Variants in ESCO1 observed in about 807,000 individuals in gnomAD.
The protein encoded by ESCO1 is establishment of sister chromatid cohesion N-acetyltransferase 1, also known as N-acetyltransferase ESCO1.
ESCO1 carries 33 observed loss-of-function variants against 83.5 expected under a neutral mutation model. The ratio of observed to expected loss-of-function variants is 0.40; its 90% CI spans 0.30 to 0.53. ESCO1 has a LOEUF of 0.53. ESCO1 is among the 20% of genes least tolerant of loss of function. ESCO1 has a pLI of 0.63. For missense variants in ESCO1, 855 were observed against 968.0 expected, an observed-to-expected ratio of 0.88 and a Z score of 1.55; for synonymous variants, 332 against 324.3, an observed-to-expected ratio of 1.02 and a Z score of -0.25.
At chr18:21,553,588 T>C (rs1195739347) in intron 8 of ESCO1, among the ~76,000 whole-genome samples, 1 of 151,838 alleles carries the variant, frequency 6.6e-6, no homozygotes, top group African/African-American at 2.4e-5. Flanking sequence ...CTGGACACAG[T>C]GGCTTATGCC....
At chr18:21,575,622 C>T (rs2038409212) in intron 3 of ESCO1, 50 bp downstream of exon 3, 2 of 398,132 alleles carry the variant, frequency 5.0e-6, no homozygotes, top group African/African-American at 2.1e-5. Flanking sequence ...ACTTGTCTTA[C>T]ATAAGCATAG....
intron 8 of ESCO1, among the ~76,000 whole-genome samples, chr18:21,553,541 TA>T (rs1323185550): frequency 6.6e-6 from 1 of 150,590 alleles, no homozygotes; most frequent in African/African-American, 2.4e-5. Context: ...AAAAAATACT[TA>T]CAAAAGAAGT....
In ESCO1 at chr18:21,574,500, T is replaced by C. The variant is rs761640592; in HGVS notation, c.344A>G (p.Asn115Ser). The change falls in exon 4 of 12, where the codon AAT becomes AGT. Residue 115 changes from asparagine (N) to serine (S), a missense_variant. Asn to Ser is a conservative substitution (Grantham distance 46). Transcript: ENST00000269214. Reference sequence around the variant, plus strand: ...TTGTGATCTCCGGTTAAGCTGTTCATTTGCTTTAGGGTTTTCATGTACTAA... The same window carrying C: ...TTGTGATCTCCGGTTAAGCTGTTCACTTGCTTTAGGGTTTTCATGTACTAA... ...KKLVHENPKA[N>S]EQLNRRSQRL... 6.2e-7 allele frequency: 1 copy of C among 1,614,116 alleles called. No individual in the cohort carries two copies. Among genetic ancestry groups the C allele is most frequent in the East Asian group, 2.2e-5 (1 of 44,864 alleles).
chr18:21,580,744 A>C (rs909683994), intron 2 of ESCO1, among the ~76,000 whole-genome samples: 1 of 152,066 alleles, frequency 6.6e-6, no homozygotes, highest in Non-Finnish European at 1.5e-5. Flanking sequence ...AATCCCAGCA[A>C]CTTGGGAGGC....
intron 1 of ESCO1, among the ~76,000 whole-genome samples, chr18:21,595,896 G>A (rs1358552892): frequency 6.7e-6 from 1 of 149,986 alleles, no homozygotes; most frequent in Non-Finnish European, 1.5e-5. Context: ...CCCAGGAGGC[G>A]GAGCTTGCAG....
chr18:21,598,911 A>G (rs1228866342), intron 1 of ESCO1, among the ~76,000 whole-genome samples: 1 of 152,118 alleles, frequency 6.6e-6, no homozygotes, highest in Non-Finnish European at 1.5e-5. Context: ...AAGTGGCTCT[A>G]TTACAGTCCT....
intron 9 of ESCO1, among the ~76,000 whole-genome samples, chr18:21,538,287 TAAAAAAAA>T (rs34369531): frequency 8.0e-6 from 1 of 124,744 alleles, no homozygotes; most frequent in Non-Finnish European, 1.7e-5. Context: ...CCCTGTCTCT[TAAAAAAAA>T]AAAAAAAAAA....
intron 2 of ESCO1, among the ~76,000 whole-genome samples, chr18:21,581,897 C>G (rs1421590207): frequency 1.4e-5 from 2 of 146,760 alleles, no homozygotes; most frequent in African/African-American, 5.1e-5. Context: ...CTGGGCAACA[C>G]AGTGAAATCT....
chr18:21,537,879 A>G (rs1313328058), intron 9 of ESCO1, among the ~76,000 whole-genome samples: 5 of 152,200 alleles, frequency 3.3e-5, no homozygotes, highest in Non-Finnish European at 7.3e-5. Flanking sequence ...TCGAACAACA[A>G]AAGTTTGAAC....
At chr18:21,541,059 G>C in intron 8 of ESCO1, among the ~76,000 whole-genome samples, 1 of 152,058 alleles carries the variant, frequency 6.6e-6, no homozygotes. Flanking sequence ...AAGGTAGAAA[G>C]ATCATAGTTG....
chr18:21,573,436 C>T lies in ESCO1; in HGVS notation c.1408G>A (p.Val470Ile). 1 of 1,612,284 alleles carries T rather than the reference C, an allele frequency of 6.2e-7. No individual in the cohort carries two copies. Among genetic ancestry groups the T allele is most frequent in the Non-Finnish European group, 8.5e-7 (1 of 1,179,438 alleles). The change falls in exon 4 of 12, where the codon GTA becomes ATA. Residue 470 changes from valine (V) to isoleucine (I), a missense_variant. Transcript: ENST00000269214. Reference protein sequence around the residue: ...SEEVKINDITVEINKTTERAP... With the variant: ...SEEVKINDITIEINKTTERAP... ...CTTTCTGTGGTTTTATTAATTTCTA[C>T]TGTAATATCATTAATTTTCACTTCT...
At chr18:21,556,921 G>A (rs897497108) in intron 8 of ESCO1, among the ~76,000 whole-genome samples, 2 of 152,146 alleles carry the variant, frequency 1.3e-5, no homozygotes, top group African/African-American at 4.8e-5. Context: ...GGTTAGTCTT[G>A]ATCTCCTGAT....
Position 21,554,933 on chromosome 18 carries a change from A to G in ESCO1, c.1953+5926T>C, listed in dbSNP as rs372787632. ...AAAAAATAAATAAATAAAATAAAAT[A>G]AAAAATAAAAAAATTAGCCAGGTGT... On this transcript the variant is annotated intron_variant, in intron 8 of 11. Coordinates refer to ENST00000269214, the MANE Select transcript of ESCO1 (RefSeq NM_052911.3). 1.1e-4 allele frequency among the ~76,000 whole-genome samples: 17 copies of G among 151,782 alleles called. No homozygotes were observed. In the East Asian group the frequency reaches 3.3e-3, roughly 29 times the overall value.
intron 5 of ESCO1, among the ~76,000 whole-genome samples, 183 bp from the exon 6 acceptor site, chr18:21,566,389 A>C (rs1028145966): frequency 2.0e-5 from 3 of 152,210 alleles, no homozygotes; most frequent in Non-Finnish European, 2.9e-5. Context: ...CAAAAGGCAG[A>C]AAGGCTGTCT....
chr18:21,556,024 G>A (rs2038108179), intron 8 of ESCO1, among the ~76,000 whole-genome samples: 1 of 152,070 alleles, frequency 6.6e-6, no homozygotes. Context: ...GGAACTCAAG[G>A]TAGGCAGATA....
chr18:21,560,945 C>T lies in ESCO1; in HGVS notation c.1867G>A (p.Gly623Arg). 1 of 1,603,546 alleles carries T rather than the reference C, an allele frequency of 6.2e-7. No individual in the cohort carries two copies. Among genetic ancestry groups the T allele is most frequent in the Admixed American group, 1.7e-5 (1 of 58,220 alleles). The stretch of plus-strand genomic sequence containing the variant: ...GGATTTGAAGCTGTATACAGCATTC[C>T]ACAAACATTACAAGAAACTGCTCCA... ...RFGAVSCNVC[G>R]MLYTASNPED... The change falls in exon 8 of 12, where the codon GGA becomes AGA. Residue 623 changes from glycine (G) to arginine (R), a missense_variant. By Grantham distance (125) the Gly-to-Arg change is moderately radical (BLOSUM62 -2). Coordinates refer to ENST00000269214, the MANE Select transcript of ESCO1 (RefSeq NM_052911.3).
Position 21,574,978 on chromosome 18 carries a change from A to C in ESCO1, c.-135T>G. ...TCAACTTTAACTGATGCTGATATACATTTTCAACAAAAATACTAGTTTGCT... is the reference window on the plus strand; with the variant it reads ...TCAACTTTAACTGATGCTGATATACCTTTTCAACAAAAATACTAGTTTGCT... On this transcript the variant is annotated 5_prime_UTR_variant, in exon 4 of 12. The change abolishes an upstream ATG in the 5' untranslated region. Coordinates refer to ENST00000269214, the MANE Select transcript of ESCO1 (RefSeq NM_052911.3). 1.6e-6 allele frequency: 1 copy of C among 617,582 alleles called. No homozygotes were observed. Among genetic ancestry groups the C allele is most frequent in the South Asian group, 2.7e-5 (1 of 37,260 alleles). The allele number at this position is 617,582 out of a possible 1,614,324, so 38.3% of individuals were successfully genotyped here. A position where few individuals can be genotyped will look rare whatever the true frequency, so the allele number is the denominator to read the frequency against.
At chr18:21,594,049 G>A (rs900163579) in intron 1 of ESCO1, among the ~76,000 whole-genome samples, 10 of 152,210 alleles carry the variant, frequency 6.6e-5, no homozygotes, top group Non-Finnish European at 1.3e-4. Flanking sequence ...AGCAAGAGCA[G>A]CAGCAGCCCC....
intron 7 of ESCO1, 49 bp downstream of exon 7, chr18:21,564,153 TA>T: frequency 8.7e-7 from 1 of 1,154,826 alleles, no homozygotes; most frequent in South Asian, 1.3e-5. Context: ...TGAAATATAC[TA>T]AGATGGTTCT....
Sources: allele counts gnomAD v4.1 joint callset (sites outside exome capture counted in the v4.1 genomes callset), GRCh38; gene constraint gnomAD v4.1.1; transcripts MANE v1.5; gene names NCBI Gene and HGNC (gene_info 2026-07-23, HGNC 2026-07-21).